The following NXF1 variants were observed in gnomAD, a reference collection of about 807,000 sequenced individuals.
The protein encoded by NXF1 is nuclear RNA export factor 1, also known as mRNA export factor TAP.
A neutral mutation model predicts 92.4 loss-of-function variants in NXF1; 43 were observed. That is an observed-to-expected ratio of 0.47 (90% CI 0.36 to 0.60). The LOEUF (loss-of-function observed/expected upper bound fraction) is 0.60, where lower values mean the gene tolerates loss of function less well. Among genes scored for constraint, NXF1 ranks in the 20% least tolerant of loss-of-function variants. NXF1 has a pLI of 0.00. For synonymous variants in NXF1, 288 were observed against 292.2 expected (o/e 0.99, Z 0.15); for missense variants, 576 against 793.0 (o/e 0.73, Z 3.29).
In NXF1 at chr11:62,801,072, T is replaced by C. The variant is rs758347978; in HGVS notation, c.906+22A>G. ...CCCTCTACCCACCCCTTCAAAAATA[T>C]AGCCGAGCTATCAATTCTCACTTCA... On this transcript the variant is annotated intron_variant, in intron 9 of 20. Transcript: ENST00000294172. The C allele has an allele frequency of 3.0e-5, 48 of 1,574,784 alleles. 1 individual carries two copies. Among genetic ancestry groups the C allele is most frequent in the South Asian group, 1.9e-4 (17 of 90,204 alleles).
At chr11:62,799,612 C>A in intron 10 of NXF1, 30 of 985,840 alleles carry the variant, frequency 3.0e-5, no homozygotes, top group Non-Finnish European at 3.6e-5. Flanking sequence ...GGGTGACGTG[C>A]AGTGTGTGAG....
At chr11:62,793,530 A>G (rs1332602807) in intron 19 of NXF1, among the ~76,000 whole-genome samples, 2 of 152,142 alleles carry the variant, frequency 1.3e-5, no homozygotes, top group African/African-American at 4.8e-5. Context: ...CAAAAAAATT[A>G]GCCAGGTGCT....
At position 62,797,333 on chromosome 11, in the gene NXF1, C is replaced by T. The variant is rs751901445; in HGVS notation, c.1107G>A (p.Thr369=). ...TGCTTCCTACCTTGCAGGGCGGTAA[C>T]GTCGTGGGGGCTTCAACATCAAAGG... ...PIAFDVEAPT[T]LPPCKGSYFG... Residue 369 remains threonine (T), a synonymous_variant, in exon 12 of 21, where the codon ACG becomes ACA. Coordinates refer to ENST00000294172, the MANE Select transcript of NXF1 (RefSeq NM_006362.5). The T allele has an allele frequency of 4.5e-5, 72 of 1,613,972 alleles. 1 individual carries two copies. The highest frequency in any genetic ancestry group is 2.8e-4 in the Admixed American group (17 of 59,990).
chr11:62,803,459 G>A lies in NXF1; in HGVS notation c.329C>T (p.Thr110Ile), dbSNP rs764256179. 3 of 1,613,926 alleles carry A rather than the reference G, an allele frequency of 1.9e-6. No homozygotes were observed. The highest frequency in any genetic ancestry group is 1.1e-5 in the South Asian group (1 of 91,070). ...GTTCTTTGAGGTCCCATCCTGGCTG[G>A]TGCCAGCCCCTCCTCTCTCTGGAGG... ...RAPPERGGAG[T>I]SQDGTSKNWF... The change falls in exon 3 of 21, where the codon ACC becomes ATC. Residue 110 changes from threonine (T) to isoleucine (I), a missense_variant. Thr to Ile is a moderately conservative substitution (Grantham distance 89). Transcript: ENST00000294172.
Position 62,803,320 on chromosome 11 carries a change from AAATAAT to A in NXF1, c.369+93_369+98del, listed in dbSNP as rs546139081. 7.1e-3 allele frequency: 7,686 copies of A among 1,087,242 alleles called. 61 individuals are homozygous for A. Among genetic ancestry groups the A allele is most frequent in the Middle Eastern group, 8.9e-3 (28 of 3,144 alleles). The allele number at this position is 1,087,242 out of a possible 1,614,324, so 67.3% of individuals were successfully genotyped here. A position where few individuals can be genotyped will look rare whatever the true frequency, so the allele number is the denominator to read the frequency against. ...GACAGAGCAAGACTCCATTTAAAAA[AAATAAT>A]AATAATAATTTTTGTGGAATAAAAT... On this transcript the variant is annotated intron_variant, in intron 3 of 20. Coordinates refer to ENST00000294172, the MANE Select transcript of NXF1 (RefSeq NM_006362.5).
intron 18 of NXF1, 164 bp downstream of exon 18, chr11:62,794,771 A>G (rs545170043): frequency 1.5e-6 from 1 of 660,254 alleles, no homozygotes; most frequent in African/African-American, 1.8e-5. Flanking sequence ...AGACGGTACA[A>G]TTCCAGAGCC....
intron 18 of NXF1, 145 bp downstream of exon 18, chr11:62,794,790 A>T: frequency 1.4e-6 from 1 of 716,790 alleles, no homozygotes; most frequent in Non-Finnish European, 2.3e-6. Flanking sequence ...CCAAGCTATT[A>T]ACTGGCTCTT....
intron 10 of NXF1, chr11:62,799,844 G>C (rs2084459406): frequency 7.1e-6 from 7 of 986,630 alleles, no homozygotes; most frequent in Non-Finnish European, 8.4e-6. Flanking sequence ...CCCCTAGGAG[G>C]CCTCAACCTC....
intron 19 of NXF1, among the ~76,000 whole-genome samples, chr11:62,793,765 C>A (rs143310652): frequency 0.026 from 3,524 of 136,602 alleles, 125 homozygotes; most frequent in African/African-American, 0.092. Flanking sequence ...AGGCAGATCA[C>A]AAGGTCAGGA....
intron 1 of NXF1, 63 bp downstream of exon 1, chr11:62,805,266 T>C (rs1476164291): frequency 1.3e-5 from 20 of 1,555,896 alleles, no homozygotes; most frequent in Admixed American, 1.9e-5. Context: ...GGCTGAGGCC[T>C]AGGCCGGCGC....
rs377312684 is a variant in NXF1, at chr11:62,805,255, G to A, written c.28+74C>T. 23 of 1,495,392 alleles carry A rather than the reference G, an allele frequency of 1.5e-5. 1 individual carries two copies. In the African/African-American group the frequency reaches 2.7e-4, roughly 18 times the overall value. 92.6% of individuals were successfully genotyped at this position (1,495,392 alleles called of 1,614,324 possible). On this transcript the variant is annotated intron_variant, in intron 1 of 20. Transcript: ENST00000294172. The stretch of plus-strand genomic sequence containing the variant: ...GGCCCCTAGCGGCCTCACGCCCCGG[G>A]GGCTGAGGCCTAGGCCGGCGCCGCC...
chr11:62,793,490 A>G (rs1025884647), intron 19 of NXF1, among the ~76,000 whole-genome samples: 1 of 152,070 alleles, frequency 6.6e-6, no homozygotes, highest in Non-Finnish European at 1.5e-5. Flanking sequence ...GGTGGGCAAC[A>G]TGGTGAAACC....
chr11:62,798,401 T>A, intron 11 of NXF1, 138 bp downstream of exon 11: 1 of 1,317,152 alleles, frequency 7.6e-7, no homozygotes. Context: ...GCTGTTGCAC[T>A]CCAGCCTGGG....
chr11:62,804,579 G>C (rs1400061800), intron 1 of NXF1, among the ~76,000 whole-genome samples: 1 of 152,060 alleles, frequency 6.6e-6, no homozygotes, highest in African/African-American at 2.4e-5. Flanking sequence ...TCTTAAAAAA[G>C]GTCCCTAACT....
At position 62,797,276 on chromosome 11, in the gene NXF1, T is replaced by A. The variant is rs774058169; in HGVS notation, c.1123-38A>T. The A allele has an allele frequency of 1.9e-6, 3 of 1,614,038 alleles. No individual in the cohort carries two copies. The South Asian group carries it at 3.3e-5, about 18-fold the overall frequency. ...AGGTATTAGGAACATGGAAGCAGTA[T>A]TCTCTCCACACACAAGTTCTTACTC... On this transcript the variant is annotated intron_variant, in intron 12 of 20. Transcript: ENST00000294172.
In NXF1 at chr11:62,800,427, G is replaced by A. The variant is rs752996023; in HGVS notation, c.966C>T (p.Leu322=). ...AGGTGTCACACAGGGAGTTTCCATC[G>A]AGCCAGAGCTCTTCTAGCTTCAGCC... ...IKGLKLEELW[L]DGNSLCDTFR... Residue 322 remains leucine (L), a synonymous_variant, in exon 10 of 21, where the codon CTC becomes CTT. Coordinates refer to ENST00000294172, the MANE Select transcript of NXF1 (RefSeq NM_006362.5). 5 of 1,613,988 alleles carry A rather than the reference G, an allele frequency of 3.1e-6. No homozygotes were observed. The highest frequency in any genetic ancestry group is 4.2e-6 in the Non-Finnish European group (5 of 1,179,964).
intron 13 of NXF1, 68 bp downstream of exon 13, chr11:62,797,115 T>G: frequency 1.5e-6 from 2 of 1,307,320 alleles, no homozygotes; most frequent in South Asian, 2.5e-5. Flanking sequence ...AAGATTGATG[T>G]GTGCCTGGGT....
rs1354199148 is a variant in NXF1 at position 62,792,653 on chromosome 11, G to A, written c.1809C>T (p.Phe603=). 1.9e-6 allele frequency: 3 copies of A among 1,614,090 alleles called. No individual in the cohort carries two copies. The highest frequency in any genetic ancestry group is 2.2e-5 in the East Asian group (1 of 44,902). Residue 603 remains phenylalanine (F), a synonymous_variant, in exon 20 of 21, where the codon TTC becomes TTT. Transcript: ENST00000294172. ...NWDYTRSAQA[F]THLKAKGEIP... The stretch of plus-strand genomic sequence containing the variant: ...TTCCAGACCTTACCTTGAGATGAGT[G>A]AAGGCCTGGGCAGATCTGGTGTAGT...
rs771354458 is a variant in NXF1, at chr11:62,802,157, C to G, written c.453+20G>C. The G allele has an allele frequency of 7.1e-5, 115 of 1,611,478 alleles. No homozygotes were observed. Among genetic ancestry groups the G allele is most frequent in the Non-Finnish European group, 9.0e-5 (106 of 1,177,692 alleles). On this transcript the variant is annotated intron_variant, in intron 4 of 20. Coordinates refer to ENST00000294172, the MANE Select transcript of NXF1 (RefSeq NM_006362.5). ...CCATCCCTGGTGCCTGGCCAGCCAG[C>G]CACTCAGGCCTTGTCTTACCTCAAT...
Sources: allele counts gnomAD v4.1 joint callset (sites outside exome capture counted in the v4.1 genomes callset), GRCh38; gene constraint gnomAD v4.1.1; transcripts MANE v1.5; gene names NCBI Gene and HGNC (gene_info 2026-07-23, HGNC 2026-07-21).